ADGRL3: variants seen among roughly 807,000 people sequenced by gnomAD.
ADGRL3 encodes the protein calcium-independent alpha-latrotoxin receptor 3.
ADGRL3 carries 62 observed loss-of-function variants against 153.5 expected under a neutral mutation model. The observed-to-expected ratio is 0.40, with a 90% CI of 0.33 to 0.50. The LOEUF (loss-of-function observed/expected upper bound fraction) is 0.50. Ranked by LOEUF, ADGRL3 falls within the 20% of genes least tolerant of loss-of-function variation. The pLI is 0.47. For synonymous variants in ADGRL3, 710 were observed against 672.5 expected (o/e 1.06, Z -0.86); for missense variants, 1,641 against 1,859.4 (o/e 0.88, Z 2.16).
At chr4:61,847,996 A>AAT (rs2098152401) in intron 9 of ADGRL3, among the ~76,000 whole-genome samples, 1 of 13,486 alleles carries the variant, frequency 7.4e-5, no homozygotes, top group African/African-American at 2.6e-4. Context: ...TTATATATAT[A>AAT]ATATAAAATA....
intron 1 of ADGRL3, among the ~76,000 whole-genome samples, chr4:61,267,158 A>G (rs1578045701): frequency 6.6e-6 from 1 of 151,736 alleles, no homozygotes; most frequent in Non-Finnish European, 1.5e-5. Flanking sequence ...TTTCAATTCC[A>G]TTGGACTATA....
In ADGRL3 at chr4:61,899,733, G is replaced by A. The variant is rs140804091; in HGVS notation, c.1887+3899G>A. ...AAGTATATTTACTATGGTTCTGGAG[G>A]CTGGAAAGTCCAAGATCAGGGTGCT... On this transcript the variant is annotated intron_variant, in intron 11 of 26. Coordinates refer to ENST00000683033, the MANE Select transcript of ADGRL3 (RefSeq NM_001387552.1). Among the ~76,000 whole-genome samples the A allele has an allele frequency of 4.4e-3, 671 of 152,240 alleles. 7 individuals carry two copies. The highest frequency in any genetic ancestry group is 0.016 in the African/African-American group (645 of 41,534).
At chr4:61,829,197 T>C (rs570125042) in intron 9 of ADGRL3, among the ~76,000 whole-genome samples, 1 of 152,360 alleles carries the variant, frequency 6.6e-6, no homozygotes, top group Non-Finnish European at 1.5e-5. Flanking sequence ...CCTTCCATTA[T>C]AACTTCATTA....
At chr4:61,416,724 C>A (rs1381227443) in intron 2 of ADGRL3, among the ~76,000 whole-genome samples, 3 of 152,018 alleles carry the variant, frequency 2.0e-5, no homozygotes. Flanking sequence ...CTTTTTGGCA[C>A]TAGGAACCAG....
chr4:61,475,236 A>G (rs2098031373), intron 2 of ADGRL3, among the ~76,000 whole-genome samples: 1 of 152,202 alleles, frequency 6.6e-6, no homozygotes, highest in Admixed American at 6.5e-5. Context: ...GTAAAAAATA[A>G]AAGTATTTGT....
intron 9 of ADGRL3, among the ~76,000 whole-genome samples, chr4:61,827,476 A>G (rs913773109): frequency 2.0e-5 from 3 of 152,164 alleles, no homozygotes; most frequent in African/African-American, 7.2e-5. Flanking sequence ...AATTCCAAAT[A>G]TCCTACAGAT....
chr4:61,906,294 G>A (rs966311387), intron 11 of ADGRL3: 1 of 151,824 alleles, frequency 6.6e-6, no homozygotes, highest in Non-Finnish European at 1.5e-5. Flanking sequence ...TTTACACTTG[G>A]ATAATATTTC....
At position 61,349,009 on chromosome 4, in the gene ADGRL3, A is replaced by T. The variant is rs538558237; in HGVS notation, c.-239-34115A>T. ...TTTCAGAAGTTTGAATATAGCAGTC[A>T]AGGGGATGTGGGAGGGGTAGTTATT... On this transcript the variant is annotated intron_variant, in intron 1 of 26. Transcript: ENST00000683033. Among the ~76,000 whole-genome samples the T allele has an allele frequency of 4.8e-3, 728 of 152,108 alleles. 7 individuals are homozygous for T. Among genetic ancestry groups the T allele is most frequent in the Middle Eastern group, 0.02 (6 of 294 alleles).
chr4:61,346,585 AAGACAC>A (rs1364232190), intron 1 of ADGRL3, among the ~76,000 whole-genome samples: 1 of 149,244 alleles, frequency 6.7e-6, no homozygotes, highest in Non-Finnish European at 1.5e-5. Context: ...TCAACATAGC[AAGACAC>A]TGTCTTTACA....
At chr4:61,462,566 A>G (rs1469293648) in intron 2 of ADGRL3, among the ~76,000 whole-genome samples, 1 of 152,168 alleles carries the variant, frequency 6.6e-6, no homozygotes, top group Non-Finnish European at 1.5e-5. Flanking sequence ...CTAAAACATA[A>G]TAAACTAAAG....
At chr4:61,374,169 T>A (rs1481608231) in intron 1 of ADGRL3, among the ~76,000 whole-genome samples, 1 of 152,110 alleles carries the variant, frequency 6.6e-6, no homozygotes, top group East Asian at 1.9e-4. Context: ...TTCTGAAAAG[T>A]TGGGGCAAAT....
chr4:61,223,538 T>C (rs942719281), intron 1 of ADGRL3, among the ~76,000 whole-genome samples: 3 of 152,198 alleles, frequency 2.0e-5, no homozygotes, highest in African/African-American at 7.2e-5. Flanking sequence ...TGGTGGTGTG[T>C]GTCGGTCAAA....
At chr4:61,908,531 T>G (rs928876979) in intron 11 of ADGRL3, among the ~76,000 whole-genome samples, 1 of 147,850 alleles carries the variant, frequency 6.8e-6, no homozygotes, top group Non-Finnish European at 1.5e-5. Flanking sequence ...AGGCTTGAAC[T>G]CAGGAGGCAG....
intron 5 of ADGRL3, among the ~76,000 whole-genome samples, chr4:61,652,868 A>T (rs775146921): frequency 1.3e-5 from 2 of 152,180 alleles, no homozygotes; most frequent in African/African-American, 4.8e-5. Flanking sequence ...TACTAATGAT[A>T]TGGAAGTGAA....
intron 1 of ADGRL3, among the ~76,000 whole-genome samples, chr4:61,228,352 T>C (rs1223384517): frequency 6.6e-6 from 1 of 152,220 alleles, no homozygotes; most frequent in Non-Finnish European, 1.5e-5. Flanking sequence ...ATTTTATTTT[T>C]ATCCCATTTC....
chr4:61,325,945 C>A (rs186016596), intron 1 of ADGRL3, among the ~76,000 whole-genome samples: 3 of 151,988 alleles, frequency 2.0e-5, no homozygotes, highest in Non-Finnish European at 2.9e-5. Flanking sequence ...TTCCAGATAG[C>A]GTATTAAGAA....
At chr4:62,036,314 A>C (rs1425131971) in intron 23 of ADGRL3, among the ~76,000 whole-genome samples, 5 of 151,832 alleles carry the variant, frequency 3.3e-5, no homozygotes, top group African/African-American at 1.2e-4. Flanking sequence ...CTGTAAATTA[A>C]TTCCAGCCAC....
chr4:61,254,657 C>A (rs1186456857), intron 1 of ADGRL3, among the ~76,000 whole-genome samples: 1 of 152,130 alleles, frequency 6.6e-6, no homozygotes, highest in African/African-American at 2.4e-5. Flanking sequence ...TGCCTGGAAA[C>A]TATAATTATC....
At chr4:62,052,750 G>T (rs966533095) in intron 25 of ADGRL3, among the ~76,000 whole-genome samples, 13 of 151,158 alleles carry the variant, frequency 8.6e-5, no homozygotes, top group African/African-American at 3.1e-4. Flanking sequence ...CAGGTAAAGA[G>T]CTTTTCCCTA....
Sources: gnomAD v4.1 joint callset for allele counts (sites outside exome capture counted in the v4.1 genomes callset) on GRCh38, gnomAD v4.1.1 for gene constraint, MANE v1.5 for transcripts, NCBI Gene and HGNC (gene_info 2026-07-23, HGNC 2026-07-21) for gene names.